Variants in VPS37A observed in about 807,000 individuals in gnomAD.
VPS37A encodes the protein vacuolar protein sorting-associated protein 37A.
Under a neutral mutation model 49.8 loss-of-function variants are expected in VPS37A, and 30 were observed. The ratio of observed to expected loss-of-function variants is 0.60; its 90% CI spans 0.45 to 0.82. The LOEUF (loss-of-function observed/expected upper bound fraction) is 0.82, where lower values mean the gene tolerates loss of function less well. Among genes scored for constraint, VPS37A ranks in the 40% least tolerant of loss-of-function variants. VPS37A has a pLI of 0.00. For missense variants in VPS37A, 593 were observed against 464.4 expected, an observed-to-expected ratio of 1.28 and a Z score of -2.55; for synonymous variants, 195 against 160.6, an observed-to-expected ratio of 1.21 and a Z score of -1.62.
chr8:17,331,963 G>C, the VPS37A span, among the ~76,000 whole-genome samples: 3 of 152,278 alleles, frequency 2.0e-5, no homozygotes, highest in South Asian at 4.2e-4. Context: ...TGCAAACTAG[G>C]TTAAGTCACA....
At chr8:17,276,365 G>A in intron 5 of VPS37A, 32 bp from the exon 6 acceptor site, 2 of 1,581,714 alleles carry the variant, frequency 1.3e-6, no homozygotes, top group East Asian at 2.3e-5. Context: ...AATAATGGCT[G>A]AAATTTAATA....
the VPS37A span, among the ~76,000 whole-genome samples, chr8:17,315,059 G>A: frequency 6.6e-6 from 1 of 152,202 alleles, no homozygotes; most frequent in Non-Finnish European, 1.5e-5. Flanking sequence ...GCCGTGGGCT[G>A]AGAGTTCCCA....
chr8:17,300,032 G>C, downstream of VPS37A: 1 of 1,614,128 alleles, frequency 6.2e-7, no homozygotes, highest in Non-Finnish European at 8.5e-7. Context: ...TCTTGGGTTA[G>C]AATCAGAGCA....
chr8:17,271,572 T>C (rs1449315472), intron 4 of VPS37A, among the ~76,000 whole-genome samples: 4 of 151,998 alleles, frequency 2.6e-5, no homozygotes, highest in Non-Finnish European at 5.9e-5. Flanking sequence ...CGCCACTGCA[T>C]TCCAGCCTGG....
At chr8:17,251,565 A>T (rs1276452062) in intron 1 of VPS37A, among the ~76,000 whole-genome samples, 2 of 151,646 alleles carry the variant, frequency 1.3e-5, no homozygotes, top group Non-Finnish European at 2.9e-5. Context: ...TCATAAGCTT[A>T]CCTACAACTT....
At chr8:17,313,537 T>G in the VPS37A span, 1,014 of 562,302 alleles carry the variant, frequency 1.8e-3, 10 homozygotes, top group African/African-American at 0.016. Flanking sequence ...TAAGTCAAAA[T>G]AAATACCCAC....
the VPS37A span, among the ~76,000 whole-genome samples, chr8:17,316,781 A>G: frequency 2.0e-5 from 3 of 152,172 alleles, no homozygotes; most frequent in Admixed American, 1.3e-4. Context: ...AATATATGGG[A>G]GGATGTGCAT....
At chr8:17,249,387 G>A (rs969585613) in intron 1 of VPS37A, among the ~76,000 whole-genome samples, 11 of 152,170 alleles carry the variant, frequency 7.2e-5, no homozygotes, top group Non-Finnish European at 8.8e-5. Context: ...AATTATGAAC[G>A]TATGATTGGA....
intron 11 of VPS37A, among the ~76,000 whole-genome samples, chr8:17,291,384 G>A (rs1032222367): frequency 4.7e-5 from 7 of 149,182 alleles, no homozygotes; most frequent in Non-Finnish European, 1.0e-4. Context: ...AGTCTGGCTA[G>A]TGGTCTATTT....
chr8:17,330,531 A>AT, the VPS37A span, among the ~76,000 whole-genome samples: 1 of 152,278 alleles, frequency 6.6e-6, no homozygotes, highest in African/African-American at 2.4e-5. Context: ...GCTCATCAGC[A>AT]TATGGCTGGT....
At chr8:17,255,744 T>C (rs1234903556) in intron 1 of VPS37A, among the ~76,000 whole-genome samples, 1 of 151,260 alleles carries the variant, frequency 6.6e-6, no homozygotes, top group African/African-American at 2.5e-5. Flanking sequence ...ATCACGCTAC[T>C]TTCTTTCTTT....
At chr8:17,330,144 C>T in the VPS37A span, among the ~76,000 whole-genome samples, 1 of 152,242 alleles carries the variant, frequency 6.6e-6, no homozygotes, top group African/African-American at 2.4e-5. Flanking sequence ...GTTTGTGACA[C>T]TCAGATTTCT....
downstream of VPS37A, chr8:17,301,913 A>G: frequency 2.3e-6 from 1 of 443,876 alleles, no homozygotes; most frequent in Non-Finnish European, 3.9e-6. Flanking sequence ...TTGACCTAAA[A>G]TAAGGAACAA....
chr8:17,285,931 A>T (rs1563285105), intron 10 of VPS37A, among the ~76,000 whole-genome samples: 1 of 152,144 alleles, frequency 6.6e-6, no homozygotes, highest in Non-Finnish European at 1.5e-5. Context: ...TTGGTTGTTA[A>T]ATTCTTAGCT....
At chr8:17,332,702 C>G in the VPS37A span, among the ~76,000 whole-genome samples, 1 of 152,142 alleles carries the variant, frequency 6.6e-6, no homozygotes, top group Admixed American at 6.5e-5. Context: ...TCATATAGGT[C>G]GAACCATTAA....
At chr8:17,264,673 G>A (rs1813281747) in intron 1 of VPS37A, among the ~76,000 whole-genome samples, 1 of 152,180 alleles carries the variant, frequency 6.6e-6, no homozygotes, top group Non-Finnish European at 1.5e-5. Context: ...TTATAAAGCT[G>A]TTAGAAGAAG....
At chr8:17,255,596 T>C (rs1209623911) in intron 1 of VPS37A, among the ~76,000 whole-genome samples, 1 of 152,208 alleles carries the variant, frequency 6.6e-6, no homozygotes, top group Non-Finnish European at 1.5e-5. Flanking sequence ...AGTGCCTCTG[T>C]TGCATTTTTA....
At chr8:17,299,626 T>C (rs1290577112), downstream of VPS37A, 3 of 537,786 alleles carry the variant, frequency 5.6e-6, no homozygotes, top group East Asian at 6.5e-5. Flanking sequence ...TTTCATAGTC[T>C]AGGGTGAGCT....
the VPS37A span, among the ~76,000 whole-genome samples, chr8:17,329,754 A>G: frequency 2.6e-5 from 4 of 152,236 alleles, no homozygotes; most frequent in African/African-American, 9.6e-5. Flanking sequence ...CATAAAAAAC[A>G]TAGTTTGTAG....
Sources: gnomAD v4.1 joint callset for allele counts (sites outside exome capture counted in the v4.1 genomes callset) on GRCh38, gnomAD v4.1.1 for gene constraint, MANE v1.5 for transcripts, NCBI Gene and HGNC (gene_info 2026-07-23, HGNC 2026-07-21) for gene names.